KCNIP4: variants seen among roughly 807,000 people sequenced by gnomAD.
The protein encoded by KCNIP4 is Kv channel-interacting protein 4.
A neutral mutation model predicts 34.0 loss-of-function variants in KCNIP4; 12 were observed. The ratio of observed to expected loss-of-function variants is 0.35; its 90% CI spans 0.23 to 0.57. The LOEUF (loss-of-function observed/expected upper bound fraction) is 0.57. Among genes scored for constraint, KCNIP4 ranks in the 20% least tolerant of loss-of-function variants. The probability of loss-of-function intolerance (pLI) is 0.83; values close to 1 mark genes in which losing one functional copy is unlikely to be tolerated. For missense variants in KCNIP4, 238 were observed against 311.7 expected, an observed-to-expected ratio of 0.76 and a Z score of 1.78; for synonymous variants, 124 against 102.2, an observed-to-expected ratio of 1.21 and a Z score of -1.29.
intron 1 of KCNIP4, among the ~76,000 whole-genome samples, chr4:21,138,848 A>T (rs1304560996): frequency 1.3e-5 from 2 of 152,302 alleles, no homozygotes; most frequent in East Asian, 1.9e-4. Context: ...ATGAGGCAGG[A>T]GTGCGGGCAG....
At chr4:21,320,154 G>A (rs1211496268) in intron 1 of KCNIP4, among the ~76,000 whole-genome samples, 1 of 152,154 alleles carries the variant, frequency 6.6e-6, no homozygotes, top group Non-Finnish European at 1.5e-5. Context: ...CATTAAACCA[G>A]TACTTCATTA....
intron 1 of KCNIP4, among the ~76,000 whole-genome samples, chr4:21,630,683 G>C (rs1745701471): frequency 6.6e-6 from 1 of 152,048 alleles, no homozygotes; most frequent in Non-Finnish European, 1.5e-5. Context: ...TACGATGATT[G>C]AAAACAAACA....
intron 5 of KCNIP4, among the ~76,000 whole-genome samples, chr4:20,742,902 G>C (rs762562073): frequency 6.6e-6 from 1 of 151,958 alleles, no homozygotes; most frequent in Non-Finnish European, 1.5e-5. Context: ...AAAAATCACA[G>C]GCATTCCTAT....
chr4:21,556,081 T>G (rs1738980082), intron 1 of KCNIP4, among the ~76,000 whole-genome samples: 1 of 152,198 alleles, frequency 6.6e-6, no homozygotes, highest in Admixed American at 6.5e-5. Flanking sequence ...GATAAATTTG[T>G]AAAGCCAACA....
At chr4:21,077,670 G>C (rs1745612515) in intron 1 of KCNIP4, among the ~76,000 whole-genome samples, 1 of 152,104 alleles carries the variant, frequency 6.6e-6, no homozygotes, top group South Asian at 2.1e-4. Flanking sequence ...ACTTCTCAGT[G>C]TTCTTGCAAG....
At chr4:21,304,113 GGAGA>G (rs1712151960) in intron 1 of KCNIP4, 1 of 418,396 alleles carries the variant, frequency 2.4e-6, no homozygotes, top group Middle Eastern at 6.7e-4. Context: ...GAGAGACAGA[GGAGA>G]GAGAGGGAGA....
rs1712178509 is a variant in KCNIP4 at position 21,304,301 on chromosome 4, A to C, written c.62-421592T>G. ...CTCATTATCACTCTTGCACAGAGAG[A>C]CAGCCACGCATGAAGTCGCGGCGCA... On this transcript the variant is annotated intron_variant, in intron 1 of 8. Transcript: ENST00000382152. Among the ~76,000 whole-genome samples the C allele has an allele frequency of 3.3e-5, 5 of 152,292 alleles. No homozygotes were observed. In the South Asian group the frequency reaches 8.3e-4, roughly 25 times the overall value.
chr4:20,778,388 A>G (rs1756565117), intron 3 of KCNIP4, among the ~76,000 whole-genome samples: 1 of 152,190 alleles, frequency 6.6e-6, no homozygotes, highest in Non-Finnish European at 1.5e-5. Context: ...ATATTTATTG[A>G]ATTTAAATCA....
intron 1 of KCNIP4, among the ~76,000 whole-genome samples, chr4:20,960,781 C>A (rs1369718840): frequency 6.6e-6 from 1 of 152,048 alleles, no homozygotes; most frequent in Non-Finnish European, 1.5e-5. Flanking sequence ...GGATGTTAAA[C>A]AAAATCAGTC....
chr4:21,861,027 T>C (rs1016097893), intron 1 of KCNIP4, among the ~76,000 whole-genome samples: 2 of 152,192 alleles, frequency 1.3e-5, no homozygotes, highest in Non-Finnish European at 2.9e-5. Context: ...TATTCAAGAA[T>C]ATCAAAAATG....
At chr4:20,854,878 C>T (rs538288175) in intron 2 of KCNIP4, among the ~76,000 whole-genome samples, 6 of 152,100 alleles carry the variant, frequency 3.9e-5, no homozygotes, top group Admixed American at 3.9e-4. Flanking sequence ...AAATATTGTA[C>T]TTTGCTTTGT....
At position 21,843,161 on chromosome 4, in the gene KCNIP4, A is replaced by T. The variant is rs1209384311; in HGVS notation, c.61+105410T>A. On this transcript the variant is annotated intron_variant, in intron 1 of 8. Coordinates refer to ENST00000382152, the MANE Select transcript of KCNIP4 (RefSeq NM_025221.6). ...ATTAGCATCTTTTGAAAACTAAGTT[A>T]ACTTGTTAAAAGCTATTGTTATTTA... Among the ~76,000 whole-genome samples the T allele has an allele frequency of 3.3e-5, 5 of 152,208 alleles. No individual in the cohort carries two copies. In the East Asian group the frequency reaches 9.7e-4, roughly 29 times the overall value.
At chr4:21,062,530 ATGTGTGTGTGTG>A (rs3080754) in intron 1 of KCNIP4, among the ~76,000 whole-genome samples, 1 of 149,202 alleles carries the variant, frequency 6.7e-6, no homozygotes, top group Non-Finnish European at 1.5e-5. Context: ...GTGTGTGTGC[ATGTGTGTGTGTG>A]TGTGTGTGTG....
At chr4:21,191,533 C>T (rs761584273) in intron 1 of KCNIP4, among the ~76,000 whole-genome samples, 4 of 152,160 alleles carry the variant, frequency 2.6e-5, no homozygotes, top group Non-Finnish European at 5.9e-5. Context: ...CGCCCTAGTG[C>T]TGAAAGATGG....
chr4:20,756,422 T>C (rs1221000363), intron 4 of KCNIP4, among the ~76,000 whole-genome samples: 1 of 152,162 alleles, frequency 6.6e-6, no homozygotes, highest in Non-Finnish European at 1.5e-5. Flanking sequence ...ATCCTAAAGC[T>C]ATTAACATCT....
chr4:21,900,808 G>A (rs1727664311), intron 1 of KCNIP4, among the ~76,000 whole-genome samples: 3 of 152,046 alleles, frequency 2.0e-5, no homozygotes, highest in Admixed American at 2.0e-4. Flanking sequence ...GTAAGTACAT[G>A]CTTCAGATTC....
intron 1 of KCNIP4, among the ~76,000 whole-genome samples, chr4:21,524,262 G>T (rs370130208): frequency 6.6e-6 from 1 of 152,056 alleles, no homozygotes; most frequent in Admixed American, 6.6e-5. Flanking sequence ...TGGGGTTAGG[G>T]TGTGAGCCCA....
chr4:21,206,690 A>C (rs1012751661), intron 1 of KCNIP4, among the ~76,000 whole-genome samples: 1 of 152,210 alleles, frequency 6.6e-6, no homozygotes, highest in Non-Finnish European at 1.5e-5. Flanking sequence ...ATATTTCATT[A>C]ACAGTACATA....
intron 1 of KCNIP4, among the ~76,000 whole-genome samples, chr4:21,116,159 G>A (rs1749656204): frequency 6.6e-6 from 1 of 152,138 alleles, no homozygotes; most frequent in Non-Finnish European, 1.5e-5. Flanking sequence ...TTTATAAATA[G>A]CAAGTAAGAT....
Sources: gnomAD v4.1 joint callset for allele counts (sites outside exome capture counted in the v4.1 genomes callset) on GRCh38, gnomAD v4.1.1 for gene constraint, MANE v1.5 for transcripts, NCBI Gene and HGNC (gene_info 2026-07-23, HGNC 2026-07-21) for gene names.